NEMP1: variants seen among roughly 807,000 people sequenced by gnomAD.
The protein encoded by NEMP1 is nuclear envelope integral membrane protein 1.
In NEMP1, 29 loss-of-function variants were observed where a neutral mutation model predicts 53.7. The ratio of observed to expected loss-of-function variants is 0.54; its 90% CI spans 0.40 to 0.74. The LOEUF is 0.74. Ranked by LOEUF, NEMP1 falls within the 30% of genes least tolerant of loss-of-function variation. The pLI, the probability that NEMP1 is intolerant of heterozygous loss-of-function variation, is 0.00. For synonymous variants in NEMP1, 193 were observed against 192.9 expected, an observed-to-expected ratio of 1.00 and a Z score of 0.00; for missense variants, 477 against 528.6, an observed-to-expected ratio of 0.90 and a Z score of 0.96.
Position 57,067,969 on chromosome 12 carries a change from CTA to C in NEMP1, c.545+1263_545+1264del, listed in dbSNP as rs143479276. Among the ~76,000 whole-genome samples, 1,457 of 152,170 alleles carry C rather than the reference CTA, an allele frequency of 9.6e-3. 55 individuals are homozygous for C. In the East Asian group the frequency reaches 0.13, roughly 14 times the overall value. On this transcript the variant is annotated intron_variant, in intron 4 of 8. Coordinates refer to ENST00000300128, the MANE Select transcript of NEMP1 (RefSeq NM_001130963.2). Reference sequence around the variant, plus strand: ...ATTTTTTTGTAGAGGCAGGGTCTCACTATGTTACCTAGGCTGGTCTCAAACTC... The same window carrying C: ...ATTTTTTTGTAGAGGCAGGGTCTCACTGTTACCTAGGCTGGTCTCAAACTC...
chr12:57,082,604 C>T (rs950157923), upstream of NEMP1, among the ~76,000 whole-genome samples: 1 of 151,916 alleles, frequency 6.6e-6, no homozygotes, highest in Non-Finnish European at 1.5e-5. Flanking sequence ...CCCAGCTGCT[C>T]AGGAGGCTGA....
At chr12:57,078,469 G>T in intron 1 of NEMP1, 150 bp downstream of exon 1, 1 of 1,158,574 alleles carries the variant, frequency 8.6e-7, no homozygotes, top group Non-Finnish European at 1.2e-6. Context: ...CCACTAGCCT[G>T]CCAAGTTTCT....
intron 6 of NEMP1, among the ~76,000 whole-genome samples, chr12:57,063,823 T>C (rs2031937518): frequency 6.6e-6 from 1 of 152,232 alleles, no homozygotes; most frequent in South Asian, 2.1e-4. Context: ...AAGATGTTTA[T>C]TGTGTAAAGA....
chr12:57,078,702 G>C lies in NEMP1; in HGVS notation c.44C>G (p.Pro15Arg). Residue 15 changes from proline (P) to arginine (R), a missense_variant, in exon 1 of 9, where the codon CCC (proline) becomes CGC (arginine). Coordinates refer to ENST00000300128, the MANE Select transcript of NEMP1 (RefSeq NM_001130963.2). ...CCCGACTCCCGAGCCCCAGGGCCCG[G>C]GACCAACTGCCGGCGAGACCGCCAC... ...MKVAVSPAVG[P>R]GPWGSGVGGG... 1.9e-6 allele frequency: 3 copies of C among 1,613,372 alleles called. No homozygotes were observed. The highest frequency in any genetic ancestry group is 2.5e-6 in the Non-Finnish European group (3 of 1,179,666).
intron 7 of NEMP1, 141 bp from the exon 8 acceptor site, chr12:57,061,086 C>T: frequency 1.3e-6 from 1 of 785,582 alleles, no homozygotes; most frequent in Non-Finnish European, 1.9e-6. Context: ...CCATGGACAT[C>T]TTTAGTTATA....
chr12:57,078,771 A>G lies in NEMP1; in HGVS notation c.-26T>C. 4 of 1,598,998 alleles carry G rather than the reference A, an allele frequency of 2.5e-6. No homozygotes were observed. The highest frequency in any genetic ancestry group is 3.4e-6 in the Non-Finnish European group (4 of 1,170,502). ...GGTTGCCTCAAGCCACCTCCTCCTCACGTGCCTTACCCCAGCAACTAACTC... is the reference window on the plus strand; with the variant it reads ...GGTTGCCTCAAGCCACCTCCTCCTCGCGTGCCTTACCCCAGCAACTAACTC... On this transcript the variant is annotated 5_prime_UTR_variant, in exon 1 of 9. Coordinates refer to ENST00000300128, the MANE Select transcript of NEMP1 (RefSeq NM_001130963.2).
At chr12:57,073,161 ATTT>A (rs1202743038) in intron 1 of NEMP1, among the ~76,000 whole-genome samples, 1 of 142,334 alleles carries the variant, frequency 7.0e-6, no homozygotes. Context: ...TTAAGTATCT[ATTT>A]TTTTTTTTTT....
At chr12:57,064,026 C>T in intron 6 of NEMP1, 45 bp downstream of exon 6, 2 of 1,135,940 alleles carry the variant, frequency 1.8e-6, no homozygotes, top group Non-Finnish European at 2.5e-6. Flanking sequence ...TTAACTGAAA[C>T]AGCCTATAAA....
Position 57,060,769 on chromosome 12 carries a change from T to C in NEMP1, c.1154+3A>G. 2 of 1,610,664 alleles carry C rather than the reference T, an allele frequency of 1.2e-6. No homozygotes were observed. Among genetic ancestry groups the C allele is most frequent in the Non-Finnish European group, 1.7e-6 (2 of 1,178,638 alleles). On this transcript the variant is annotated splice_donor_region_variant and intron_variant, in intron 8 of 8. Transcript: ENST00000300128. ...GATGCTTGGTATATCTGGCCGAGTT[T>C]ACCTTTTTGGAGACTGGATTCGAGA...
chr12:57,068,354 T>A (rs2032193153), intron 4 of NEMP1, among the ~76,000 whole-genome samples: 2 of 132,868 alleles, frequency 1.5e-5, no homozygotes, highest in South Asian at 4.7e-4. Flanking sequence ...AAACACTTGA[T>A]TTTTTTTTTT....
Position 57,056,216 on chromosome 12 carries a change from C to T in NEMP1, c.*3663G>A, listed in dbSNP as rs2031515657. 6.6e-6 allele frequency: 1 copy of T among 152,082 alleles called. No individual in the cohort carries two copies. The highest frequency in any genetic ancestry group is 2.4e-5 in the African/African-American group (1 of 41,402). 9.4% of individuals were successfully genotyped at this position (152,082 alleles called of 1,614,324 possible). On this transcript the variant is annotated 3_prime_UTR_variant, in exon 9 of 9. Coordinates refer to ENST00000300128, the MANE Select transcript of NEMP1 (RefSeq NM_001130963.2). ...GCTCTGGCTCGTGTCACATAAGGCA[C>T]CAACATCCTTTTCAAGGTAGTAACC...
At chr12:57,069,741 A>G (rs2032261603) in intron 3 of NEMP1, among the ~76,000 whole-genome samples, 1 of 151,646 alleles carries the variant, frequency 6.6e-6, no homozygotes. Flanking sequence ...TTCTTGCCCA[A>G]CAATACCACC....
intron 1 of NEMP1, among the ~76,000 whole-genome samples, chr12:57,075,954 A>C (rs1218149874): frequency 6.6e-6 from 1 of 151,810 alleles, no homozygotes; most frequent in Non-Finnish European, 1.5e-5. Flanking sequence ...ATACAAAAAA[A>C]TTACCCGGGC....
chr12:57,079,752 G>C (rs2032787199), upstream of NEMP1, among the ~76,000 whole-genome samples: 1 of 151,802 alleles, frequency 6.6e-6, no homozygotes, highest in Admixed American at 6.6e-5. Context: ...GAAGGTTCAA[G>C]CTTTCAAAAC....
At chr12:57,086,982 G>A (rs1333970090) in intron 1 of NEMP1, among the ~76,000 whole-genome samples, 1 of 152,204 alleles carries the variant, frequency 6.6e-6, no homozygotes, top group Non-Finnish European at 1.5e-5. Flanking sequence ...AGGGCACAAA[G>A]ACACAAACAC....
intron 1 of NEMP1, among the ~76,000 whole-genome samples, chr12:57,087,780 C>T (rs901024896): frequency 1.3e-5 from 2 of 152,020 alleles, no homozygotes; most frequent in South Asian, 2.1e-4. Context: ...AGAGGCGGGG[C>T]GGGGCTGAGA....
chr12:57,087,846 C>G (rs963432532), intron 1 of NEMP1: 8 of 152,396 alleles, frequency 5.2e-5, no homozygotes, highest in Admixed American at 5.2e-4. Context: ...CCCCGGCCCC[C>G]ACCCCCCCTC....
intron 1 of NEMP1, chr12:57,087,922 C>T (rs772688351): frequency 1.3e-5 from 2 of 152,364 alleles, no homozygotes; most frequent in Non-Finnish European, 2.9e-5. Flanking sequence ...AACAGCCCTC[C>T]CAGCCGTGGG....
Position 57,059,795 on chromosome 12 carries a change from T to C in NEMP1, c.*84A>G, listed in dbSNP as rs1592496034. 7.9e-6 allele frequency: 10 copies of C among 1,273,826 alleles called. No homozygotes were observed. In the East Asian group the frequency reaches 2.4e-4, roughly 30 times the overall value. The allele number at this position is 1,273,826 out of a possible 1,614,324, so 78.9% of individuals were successfully genotyped here. A position where few individuals can be genotyped will look rare whatever the true frequency, so the allele number is the denominator to read the frequency against. On this transcript the variant is annotated 3_prime_UTR_variant, in exon 9 of 9. Coordinates refer to ENST00000300128, the MANE Select transcript of NEMP1 (RefSeq NM_001130963.2). ...TCTACCCTATCTATCTCACTCTGTT[T>C]CAAAGGGTTGAAAGCAATTGCACAA...
Sources: allele counts gnomAD v4.1 joint callset (sites outside exome capture counted in the v4.1 genomes callset), GRCh38; gene constraint gnomAD v4.1.1; transcripts MANE v1.5; gene names NCBI Gene and HGNC (gene_info 2026-07-23, HGNC 2026-07-21).